Variants in LIN9 observed in about 807,000 individuals in gnomAD.
LIN9 encodes lin-9 DREAM MuvB core complex component.
A neutral mutation model predicts 78.0 loss-of-function variants in LIN9; 18 were observed. That is an observed-to-expected ratio of 0.23 (90% confidence interval 0.16 to 0.34). LIN9 has a LOEUF of 0.34. LIN9 is among the 10% of genes least tolerant of loss of function. The probability of loss-of-function intolerance (pLI) is 1.00; values close to 1 mark genes in which losing one functional copy is unlikely to be tolerated. For synonymous variants in LIN9, 192 were observed against 215.2 expected (o/e 0.89, Z 0.94); for missense variants, 451 against 644.1 (o/e 0.70, Z 3.25).
At chr1:226,301,940 G>A (rs1417766) in intron 1 of LIN9, among the ~76,000 whole-genome samples, 44,815 of 152,024 alleles carry the variant, frequency 0.29, 6,713 homozygotes, top group Middle Eastern at 0.34. Context: ...ATGGGGGCAC[G>A]TGCCTAAAGT....
chr1:226,245,428 T>C (rs1021939743), intron 11 of LIN9, among the ~76,000 whole-genome samples: 73 of 150,950 alleles, frequency 4.8e-4, no homozygotes, highest in African/African-American at 1.0e-3. Context: ...TTGTCTTTTT[T>C]CCCCCCCCCC....
intron 10 of LIN9, among the ~76,000 whole-genome samples, chr1:226,263,485 C>A (rs147935521): frequency 6.6e-6 from 1 of 152,034 alleles, no homozygotes; most frequent in Non-Finnish European, 1.5e-5. Context: ...TAACAAGGAT[C>A]GATAAAAATA....
At chr1:226,298,909 A>G (rs533793109) in intron 2 of LIN9, among the ~76,000 whole-genome samples, 1 of 152,278 alleles carries the variant, frequency 6.6e-6, no homozygotes, top group South Asian at 2.1e-4. Flanking sequence ...AAAAAGAAAA[A>G]GTAAATCAGC....
Position 226,265,471 on chromosome 1 carries a change from T to C in LIN9, c.1038+62A>G. On this transcript the variant is annotated intron_variant, in intron 10 of 14. Coordinates refer to ENST00000681046, the MANE Select transcript of LIN9 (RefSeq NM_001366245.2). The surrounding 1 kb of genome is among the most constrained non-coding windows in gnomAD (Gnocchi z 4.1). ...ACGGCCCTAGAAAAATTTTCAACTT[T>C]AATAACATAAAAGGCATTGAGTTTT... 1 of 1,036,804 alleles carries C rather than the reference T, an allele frequency of 9.6e-7. No individual in the cohort carries two copies. Among genetic ancestry groups the C allele is most frequent in the Non-Finnish European group, 1.5e-6 (1 of 688,910 alleles). 64.2% of individuals were successfully genotyped at this position (1,036,804 alleles called of 1,614,324 possible).
chr1:226,309,352 C>T (rs1462521961), upstream of LIN9: 14 of 990,224 alleles, frequency 1.4e-5, no homozygotes, highest in Admixed American at 6.1e-5. Context: ...CTCGCCCCTC[C>T]GCCGCCGCCT....
Position 226,239,055 on chromosome 1 carries a change from T to A in LIN9, c.1161A>T (p.Arg387Ser). The change falls in exon 12 of 15, where the codon AGA (arginine) becomes AGT (serine). Residue 387 changes from arginine to serine, a missense_variant. Physicochemically the swap from Arg to Ser is moderately radical, Grantham distance 110. Coordinates refer to ENST00000681046, the MANE Select transcript of LIN9 (RefSeq NM_001366245.2). ...CAAGCTCCAGAACAATTGTTGCATATCTCCGCTGAAATTCAATGCTGATGG... is the reference window on the plus strand; with the variant it reads ...CAAGCTCCAGAACAATTGTTGCATAACTCCGCTGAAATTCAATGCTGATGG... ...SMPISIEFQR[R>S]YATIVLELEQ... 1 of 1,613,848 alleles carries A rather than the reference T, an allele frequency of 6.2e-7. No individual in the cohort carries two copies. The highest frequency in any genetic ancestry group is 8.5e-7 in the Non-Finnish European group (1 of 1,179,900).
At chr1:226,309,062 C>T in intron 1 of LIN9, 47 bp downstream of exon 1, 1 of 1,305,894 alleles carries the variant, frequency 7.7e-7, no homozygotes, top group Non-Finnish European at 9.8e-7. Flanking sequence ...AACCGCTGGG[C>T]AAGCAGCAGG....
chr1:226,281,811 A>C (rs1661082147), intron 6 of LIN9, among the ~76,000 whole-genome samples: 1 of 150,922 alleles, frequency 6.6e-6, no homozygotes, highest in Non-Finnish European at 1.5e-5. Context: ...CTCCTGCCTC[A>C]GCCCCCTGAG....
intron 1 of LIN9, among the ~76,000 whole-genome samples, chr1:226,305,428 G>A (rs1013215039): frequency 6.7e-6 from 1 of 149,618 alleles, no homozygotes; most frequent in Non-Finnish European, 1.5e-5. Context: ...AGAAGATCAA[G>A]GCTGCAGTGA....
intron 2 of LIN9, among the ~76,000 whole-genome samples, chr1:226,300,739 C>T (rs1020783745): frequency 6.6e-6 from 1 of 152,092 alleles, no homozygotes; most frequent in Non-Finnish European, 1.5e-5. Flanking sequence ...GCCTGTAATC[C>T]CAGCTACTCA....
chr1:226,298,659 G>A (rs764696142), intron 2 of LIN9, among the ~76,000 whole-genome samples: 8 of 152,202 alleles, frequency 5.3e-5, no homozygotes, highest in Non-Finnish European at 1.0e-4. Context: ...CCATGAGTTC[G>A]AGACCAACCT....
intron 10 of LIN9, among the ~76,000 whole-genome samples, chr1:226,261,899 T>C (rs765426091): frequency 4.6e-5 from 7 of 152,102 alleles, no homozygotes; most frequent in Non-Finnish European, 1.0e-4. Flanking sequence ...ATCAAGACAG[T>C]GTGGTAGTGG....
chr1:226,278,155 G>A (rs890603680), intron 6 of LIN9, among the ~76,000 whole-genome samples: 6 of 152,284 alleles, frequency 3.9e-5, no homozygotes, highest in East Asian at 1.9e-4. Context: ...TCAGCCGGAC[G>A]TGGTGGCTCA....
chr1:226,246,981 A>G (rs969176815), intron 11 of LIN9, among the ~76,000 whole-genome samples: 3 of 152,058 alleles, frequency 2.0e-5, no homozygotes, highest in Non-Finnish European at 4.4e-5. Flanking sequence ...TCCGTTACAC[A>G]TTAGACCTTC....
At chr1:226,263,535 C>A (rs1659728377) in intron 10 of LIN9, among the ~76,000 whole-genome samples, 1 of 152,142 alleles carries the variant, frequency 6.6e-6, no homozygotes, top group Non-Finnish European at 1.5e-5. Context: ...TAGTACTTAG[C>A]TTCTGGCTCC....
rs759094508 is a variant in LIN9 at position 226,268,013 on chromosome 1, C to T, written c.760G>A (p.Val254Ile). 9 of 1,613,842 alleles carry T rather than the reference C, an allele frequency of 5.6e-6. No individual in the cohort carries two copies. The highest frequency in any genetic ancestry group is 7.6e-6 in the Non-Finnish European group (9 of 1,179,888). Residue 254 changes from valine (V) to isoleucine (I), a missense_variant, in exon 8 of 15, where the codon GTA becomes ATA. Transcript: ENST00000681046. Reference protein sequence around the residue: ...AVDTLNATYRVTFDRTGLGTH... With the variant: ...AVDTLNATYRITFDRTGLGTH... ...CCAAGCCCTGTCCTATCAAAAGTTA[C>T]TCTATAAGTAGCATTAAGAGTATCC... is the stretch of plus-strand genomic sequence containing the variant.
chr1:226,303,860 C>T (rs1286036285), intron 1 of LIN9, among the ~76,000 whole-genome samples: 1 of 152,240 alleles, frequency 6.6e-6, no homozygotes, highest in Non-Finnish European at 1.5e-5. Flanking sequence ...CCCGGCTCGG[C>T]CTCCCAAAGT....
In LIN9 at chr1:226,284,927, G is replaced by T. The variant is rs553908817; in HGVS notation, c.524+1406C>A. ...CCTTTTTATCTTCCAAGTGGATGGA[G>T]TTTCACCAATTGATTTTTAAAATTA... is the stretch of plus-strand genomic sequence containing the variant. On this transcript the variant is annotated intron_variant, in intron 6 of 14. Transcript: ENST00000681046. 7.9e-5 allele frequency among the ~76,000 whole-genome samples: 12 copies of T among 152,150 alleles called. No individual in the cohort carries two copies. In the East Asian group the frequency reaches 2.3e-3, roughly 29 times the overall value.
intron 1 of LIN9, among the ~76,000 whole-genome samples, chr1:226,306,766 A>G (rs897733297): frequency 2.2e-4 from 33 of 152,308 alleles, no homozygotes; most frequent in South Asian, 4.1e-4. Flanking sequence ...GCCAAAAAAC[A>G]TACTGCTATT....
Sources: gnomAD v4.1 joint callset for allele counts (sites outside exome capture counted in the v4.1 genomes callset) on GRCh38, gnomAD v4.1.1 for gene constraint, Gnocchi (gnomAD v3.1) non-coding constraint, MANE v1.5 for transcripts, NCBI Gene and HGNC (gene_info 2026-07-23, HGNC 2026-07-21) for gene names.